The following ITPR1 variants were observed in gnomAD, a reference collection of about 807,000 sequenced individuals.
The protein encoded by ITPR1 is inositol 1,4,5-trisphosphate-gated calcium channel ITPR1.
Under a neutral mutation model 318.4 loss-of-function variants are expected in ITPR1, and 96 were observed. The ratio of observed to expected loss-of-function variants is 0.30; its 90% CI spans 0.26 to 0.36. The LOEUF is 0.36. ITPR1 is among the 10% of genes least tolerant of loss of function. ITPR1 has a pLI of 1.00. For missense variants in ITPR1, 2,440 were observed against 3,460.2 expected, an observed-to-expected ratio of 0.71 and a Z score of 7.40; for synonymous variants, 1,312 against 1,289.9, an observed-to-expected ratio of 1.02 and a Z score of -0.37.
At chr3:4,605,581 A>G (rs761981935) in intron 4 of ITPR1, among the ~76,000 whole-genome samples, 2 of 152,202 alleles carry the variant, frequency 1.3e-5, no homozygotes, top group East Asian at 3.8e-4. Flanking sequence ...AAAATGGTTC[A>G]GGAAGTTATT....
chr3:4,652,061 C>G (rs1448699683), intron 10 of ITPR1, 62 bp from the exon 11 acceptor site: 2 of 1,264,324 alleles, frequency 1.6e-6, no homozygotes, highest in East Asian at 4.9e-5. Context: ...GTGATACCTC[C>G]GATTTAATGT....
chr3:4,653,955 T>A, intron 12 of ITPR1, 69 bp downstream of exon 12: 1 of 1,101,194 alleles, frequency 9.1e-7, no homozygotes, highest in Non-Finnish European at 1.4e-6. Context: ...GAGCTCCATT[T>A]AAGAAACTGT....
intron 4 of ITPR1, among the ~76,000 whole-genome samples, chr3:4,602,581 C>T (rs555012724): frequency 1.8e-4 from 27 of 148,880 alleles, no homozygotes; most frequent in African/African-American, 6.7e-4. Context: ...CAACATTATT[C>T]ATCGTAGCTA....
chr3:4,779,585 A>G lies in ITPR1; in HGVS notation c.6327A>G (p.Glu2109=), dbSNP rs1249681512. ...NASKLLLAIM[E]SRHDSENAER... ...CGAAGTTGCTCCTGGCCATCATGGA[A>G]AGCAGGCACGACAGTGAAAACGCAG... is the stretch of plus-strand genomic sequence containing the variant. Residue 2109 remains glutamate, a synonymous_variant, in exon 49 of 62, where the codon GAA becomes GAG. Coordinates refer to ENST00000649015, the MANE Select transcript of ITPR1 (RefSeq NM_001378452.1). This position sits in a 1 kb window ranked among gnomAD's most constrained non-coding sequence, Gnocchi z 4.0. The G allele has an allele frequency of 6.2e-7, 1 of 1,612,668 alleles. No individual in the cohort carries two copies. Among genetic ancestry groups the G allele is most frequent in the South Asian group, 1.1e-5 (1 of 91,062 alleles).
rs2306878 is a variant in ITPR1 at position 4,683,555 on chromosome 3, G to A, written c.3327+4G>A. On this transcript the variant is annotated splice_donor_region_variant and intron_variant, in intron 27 of 61. Coordinates refer to ENST00000649015, the MANE Select transcript of ITPR1 (RefSeq NM_001378452.1). ...GGTGCTCCAGGCCTTCAAACAGGTA[G>A]CTCAGGTCACCCACGTGTGTGTTGT... 5.8e-3 allele frequency: 9,405 copies of A among 1,613,760 alleles called. 289 individuals are homozygous for A. The East Asian group carries it at 0.083, about 14-fold the overall frequency.
intron 4 of ITPR1, among the ~76,000 whole-genome samples, chr3:4,549,833 G>A (rs1340489261): frequency 6.6e-6 from 1 of 152,154 alleles, no homozygotes; most frequent in African/African-American, 2.4e-5. Flanking sequence ...CTCCCATGGA[G>A]GTGATTCTGA....
chr3:4,834,167 A>G (rs1033296495), intron 60 of ITPR1, among the ~76,000 whole-genome samples: 34 of 152,314 alleles, frequency 2.2e-4, no homozygotes, highest in African/African-American at 7.7e-4. Flanking sequence ...CACTGGGATT[A>G]CAGGCACCAG....
chr3:4,633,962 G>A (rs2093097721), intron 5 of ITPR1, among the ~76,000 whole-genome samples: 1 of 152,156 alleles, frequency 6.6e-6, no homozygotes, highest in South Asian at 2.1e-4. Flanking sequence ...TACTGTTTCA[G>A]TCACCTTTCT....
intron 2 of ITPR1, among the ~76,000 whole-genome samples, chr3:4,501,944 CAGA>C (rs2081054710): frequency 6.6e-6 from 1 of 152,282 alleles, no homozygotes; most frequent in Admixed American, 6.5e-5. Flanking sequence ...TGCGGCTTAT[CAGA>C]AGAAGATGAA....
chr3:4,639,350 C>T (rs747830470), intron 5 of ITPR1, 34 bp from the exon 6 acceptor site: 1 of 1,490,866 alleles, frequency 6.7e-7, no homozygotes, highest in Admixed American at 2.0e-5. Context: ...ACATGGTTTC[C>T]TCTTTGTGAT....
At chr3:4,626,772 T>G (rs901895823) in intron 4 of ITPR1, among the ~76,000 whole-genome samples, 1 of 152,196 alleles carries the variant, frequency 6.6e-6, no homozygotes, top group African/African-American at 2.4e-5. Context: ...TTGCACACAG[T>G]ACTCAAGAGA....
chr3:4,846,838 A>G lies in ITPR1; in HGVS notation c.*613A>G, dbSNP rs1444103915. On this transcript the variant is annotated 3_prime_UTR_variant, in exon 62 of 62. Coordinates refer to ENST00000649015, the MANE Select transcript of ITPR1 (RefSeq NM_001378452.1). Reference sequence around the variant, plus strand: ...CTAGTGATAATGCTCCAAGTCTATGAACTGTTAAATCAGCATTCATTTTAA... The same window carrying G: ...CTAGTGATAATGCTCCAAGTCTATGGACTGTTAAATCAGCATTCATTTTAA... 1 of 152,662 alleles carries G rather than the reference A, an allele frequency of 6.6e-6. No homozygotes were observed. Among genetic ancestry groups the G allele is most frequent in the Non-Finnish European group, 1.5e-5 (1 of 68,042 alleles). The allele number at this position is 152,662 out of a possible 1,614,324, so 9.5% of individuals were successfully genotyped here. A position where few individuals can be genotyped will look rare whatever the true frequency, so the allele number is the denominator to read the frequency against.
chr3:4,610,191 A>AT (rs527553870), intron 4 of ITPR1, among the ~76,000 whole-genome samples: 20 of 152,180 alleles, frequency 1.3e-4, no homozygotes, highest in African/African-American at 3.6e-4. Flanking sequence ...CAAAGCTCAA[A>AT]TGAGAAACCT....
At chr3:4,506,633 T>G (rs1267577037) in intron 2 of ITPR1, among the ~76,000 whole-genome samples, 2 of 152,222 alleles carry the variant, frequency 1.3e-5, no homozygotes, top group Admixed American at 6.5e-5. Context: ...TGCTTTGATC[T>G]GTATCCCCAG....
chr3:4,627,487 A>G (rs1372125211), intron 4 of ITPR1, among the ~76,000 whole-genome samples: 2 of 152,012 alleles, frequency 1.3e-5, no homozygotes, highest in Non-Finnish European at 2.9e-5. Flanking sequence ...AAAAAGCAAA[A>G]CAAACAAAAA....
intron 2 of ITPR1, among the ~76,000 whole-genome samples, chr3:4,502,516 C>T (rs1039463000): frequency 6.6e-6 from 1 of 151,826 alleles, no homozygotes; most frequent in Non-Finnish European, 1.5e-5. Flanking sequence ...TCTCAGCTCA[C>T]TGCAACCTCC....
At chr3:4,840,476 G>GT (rs1367589318) in intron 61 of ITPR1, among the ~76,000 whole-genome samples, 1 of 152,070 alleles carries the variant, frequency 6.6e-6, no homozygotes, top group East Asian at 1.9e-4. Context: ...TGTTGTTGTT[G>GT]TTGTTTGTTT....
rs1436509025 is a variant in ITPR1, at chr3:4,721,170, GTGTATATA to G, written c.5136+3773_5136+3780del. ...TCTGTGTGTAGATACGTGTGTGTGC[GTGTATATA>G]TATATATATATATATATATATATAT... On this transcript the variant is annotated intron_variant, in intron 40 of 61. Coordinates refer to ENST00000649015, the MANE Select transcript of ITPR1 (RefSeq NM_001378452.1). 4.4e-4 allele frequency among the ~76,000 whole-genome samples: 6 copies of G among 13,566 alleles called. No homozygotes were observed. The South Asian group carries it at 0.02, about 45-fold the overall frequency. 8.9% of individuals were successfully genotyped at this position (13,566 alleles called of 152,430 possible).
intron 16 of ITPR1, among the ~76,000 whole-genome samples, chr3:4,664,766 G>A (rs1223214607): frequency 6.6e-6 from 1 of 152,184 alleles, no homozygotes; most frequent in African/African-American, 2.4e-5. Flanking sequence ...CTGTGATATA[G>A]GCATTATTCT....
Sources: allele counts gnomAD v4.1 joint callset (sites outside exome capture counted in the v4.1 genomes callset), GRCh38; gene constraint gnomAD v4.1.1; non-coding constraint Gnocchi (gnomAD v3.1); transcripts MANE v1.5; gene names NCBI Gene and HGNC (gene_info 2026-07-23, HGNC 2026-07-21).